Variants in HTR3B observed in about 807,000 individuals in gnomAD.
HTR3B encodes the protein 5-hydroxytryptamine (serotonin) receptor 3B, ionotropic.
A neutral mutation model predicts 42.8 loss-of-function variants in HTR3B; 44 were observed. That is an observed-to-expected ratio of 1.03 (90% confidence interval 0.81 to 1.32). HTR3B has a LOEUF of 1.32. Among genes scored for constraint, HTR3B ranks in the 40% most tolerant of loss-of-function variants. HTR3B has a pLI of 0.00. For synonymous variants in HTR3B, 203 were observed against 209.0 expected (o/e 0.97, Z 0.25); for missense variants, 527 against 536.5 (o/e 0.98, Z 0.17).
At chr11:113,899,870 T>C (rs1949686312), upstream of HTR3B, among the ~76,000 whole-genome samples, 1 of 152,220 alleles carries the variant, frequency 6.6e-6, no homozygotes, top group South Asian at 2.1e-4. Flanking sequence ...TATTTTCAGG[T>C]ACTTTCTTAA....
intron 2 of HTR3B, among the ~76,000 whole-genome samples, chr11:113,929,750 A>G (rs1039307083): frequency 6.6e-6 from 1 of 151,928 alleles, no homozygotes; most frequent in Non-Finnish European, 1.5e-5. Flanking sequence ...TTTATTTTTT[A>G]GAGACGGAGT....
chr11:113,931,507 G>T (rs1354677444), intron 3 of HTR3B, 79 bp downstream of exon 3: 2 of 895,230 alleles, frequency 2.2e-6, no homozygotes, highest in Non-Finnish European at 1.8e-6. Context: ...TTAAGAAATA[G>T]GTATTATCTT....
In HTR3B at chr11:113,946,043, G is replaced by A. The variant is rs200815025; in HGVS notation, c.1232G>A (p.Arg411His). The change falls in exon 9 of 9, where the codon CGC becomes CAC. Residue 411 changes from arginine to histidine, a missense_variant. By Grantham distance (29) the Arg-to-His change is conservative. Coordinates refer to ENST00000260191, the MANE Select transcript of HTR3B (RefSeq NM_006028.5). ...GCAGAGTGGCTGGTCCTCCTGTCCC[G>A]CTTTGACCGACTGCTCTTCCAAAGC... ...QEAEWLVLLS[R>H]FDRLLFQSYL... 4.5e-5 allele frequency: 73 copies of A among 1,613,954 alleles called. No homozygotes were observed. The Admixed American group carries it at 4.8e-4, about 11-fold the overall frequency.
chr11:113,934,472 A>G (rs1037623375), intron 6 of HTR3B, among the ~76,000 whole-genome samples: 1 of 152,014 alleles, frequency 6.6e-6, no homozygotes, highest in Non-Finnish European at 1.5e-5. Context: ...AAAGAAAGAA[A>G]AAAGAAAGAA....
intron 2 of HTR3B, among the ~76,000 whole-genome samples, chr11:113,928,846 C>G (rs1950002863): frequency 6.6e-6 from 1 of 152,146 alleles, no homozygotes; most frequent in Non-Finnish European, 1.5e-5. Flanking sequence ...TGTAGAATTT[C>G]CTTCCTTTCT....
intron 6 of HTR3B, among the ~76,000 whole-genome samples, chr11:113,942,230 C>T (rs1341767494): frequency 3.9e-5 from 6 of 152,058 alleles, no homozygotes; most frequent in Admixed American, 6.5e-5. Context: ...GAGCCGAGGT[C>T]GCACCACTGC....
At chr11:113,907,474 A>G (rs1949742463) in intron 1 of HTR3B, among the ~76,000 whole-genome samples, 1 of 152,102 alleles carries the variant, frequency 6.6e-6, no homozygotes, top group African/African-American at 2.4e-5. Flanking sequence ...TCCCATCTTA[A>G]ACAAAGAACT....
intron 5 of HTR3B, 66 bp downstream of exon 5, chr11:113,932,524 C>T: frequency 2.4e-6 from 3 of 1,245,370 alleles, no homozygotes; most frequent in South Asian, 1.3e-5. Flanking sequence ...ATTATACTAT[C>T]CTTCAGGTCT....
At chr11:113,920,813 T>C (rs1949904595) in intron 2 of HTR3B, among the ~76,000 whole-genome samples, 1 of 152,178 alleles carries the variant, frequency 6.6e-6, no homozygotes, top group Non-Finnish European at 1.5e-5. Context: ...TTCAAGTTTT[T>C]TATTTTTATT....
In HTR3B at chr11:113,908,862, G is replaced by C. The variant is rs1366233412; in HGVS notation, c.53-433G>C. 3 of 185,218 alleles carry C rather than the reference G, an allele frequency of 1.6e-5. No individual in the cohort carries two copies. In the East Asian group the frequency reaches 4.1e-4, roughly 25 times the overall value. The allele number at this position is 185,218 out of a possible 1,614,324, so 11.5% of individuals were successfully genotyped here. ...TGGGTTTCTTCATGTTTTTTTGCTT[G>C]ATTTTTCTATTGAATTTTTGAATTA... On this transcript the variant is annotated intron_variant, in intron 1 of 8. Coordinates refer to ENST00000260191, the MANE Select transcript of HTR3B (RefSeq NM_006028.5).
chr11:113,921,835 A>G (rs1188898618), intron 2 of HTR3B, among the ~76,000 whole-genome samples: 2 of 152,188 alleles, frequency 1.3e-5, no homozygotes, highest in Admixed American at 6.6e-5. Flanking sequence ...AAGATGTGGG[A>G]TTTCCCTACC....
In HTR3B at chr11:113,944,569, T is replaced by G. The variant is rs1950161463; in HGVS notation, c.908-4T>G. 10 of 1,613,060 alleles carry G rather than the reference T, an allele frequency of 6.2e-6. No homozygotes were observed. Among genetic ancestry groups the G allele is most frequent in the Non-Finnish European group, 8.5e-6 (10 of 1,179,258 alleles). ...CTAACTGCACCTCTTCTGGCTTCTC[T>G]CAGGGCACTTCTTCACCATCTGCAT... On this transcript the variant is annotated splice_polypyrimidine_tract_variant and splice_region_variant and intron_variant, in intron 7 of 8. Coordinates refer to ENST00000260191, the MANE Select transcript of HTR3B (RefSeq NM_006028.5).
At chr11:113,931,454 T>C in intron 3 of HTR3B, 26 bp downstream of exon 3, 1 of 1,380,930 alleles carries the variant, frequency 7.2e-7, no homozygotes, top group Non-Finnish European at 1.0e-6. Flanking sequence ...TTCTTCTAAA[T>C]ATATTGCACT....
intron 2 of HTR3B, among the ~76,000 whole-genome samples, chr11:113,925,672 T>G (rs1329241863): frequency 6.6e-6 from 1 of 152,120 alleles, no homozygotes; most frequent in East Asian, 1.9e-4. Flanking sequence ...TTCTTCATCT[T>G]GTGTTTTTTA....
rs1950187982 is a variant in HTR3B, at chr11:113,947,305, T to C, written c.*1168T>C. On this transcript the variant is annotated 3_prime_UTR_variant, in exon 9 of 9. Coordinates refer to ENST00000260191, the MANE Select transcript of HTR3B (RefSeq NM_006028.5). ...TTTTAGTAGCAGGTGCCAAGGCTTC[T>C]AAGCCCAGTCTAGCACATCATTTAG... Among the ~76,000 whole-genome samples the C allele has an allele frequency of 6.6e-6, 1 of 152,122 alleles. No individual in the cohort carries two copies. Among genetic ancestry groups the C allele is most frequent in the South Asian group, 2.1e-4 (1 of 4,772 alleles).
At chr11:113,931,454 T>G (rs769651982) in intron 3 of HTR3B, 26 bp downstream of exon 3, 1 of 1,380,930 alleles carries the variant, frequency 7.2e-7, no homozygotes, top group African/African-American at 1.4e-5. Context: ...TTCTTCTAAA[T>G]ATATTGCACT....
intron 6 of HTR3B, among the ~76,000 whole-genome samples, chr11:113,933,355 G>C (rs1266232428): frequency 2.0e-5 from 3 of 152,108 alleles, no homozygotes; most frequent in Non-Finnish European, 4.4e-5. Flanking sequence ...ATGCCCTGCA[G>C]CAGGAATCCT....
At chr11:113,941,511 C>A (rs1051648247) in intron 6 of HTR3B, among the ~76,000 whole-genome samples, 2 of 152,200 alleles carry the variant, frequency 1.3e-5, no homozygotes, top group Non-Finnish European at 2.9e-5. Context: ...ACAAGAGCAG[C>A]TCTGTGTGGC....
Position 113,942,985 on chromosome 11 carries a change from G to A in HTR3B, c.700G>A (p.Val234Met), listed in dbSNP as rs1471620434. Residue 234 changes from valine to methionine, a missense_variant, in exon 7 of 9, where the codon GTG becomes ATG. Transcript: ENST00000260191. ...CAGACCACTTGTTCCCGGCCAGGTG[G>A]TGATGCGCAGGCACCCCCTGGTCTA... ...GGFAQIQFNVVMRRHPLVYVV... is the reference protein window; with the variant it reads ...GGFAQIQFNVMMRRHPLVYVV... The A allele has an allele frequency of 1.2e-6, 2 of 1,613,874 alleles. No individual in the cohort carries two copies. Among genetic ancestry groups the A allele is most frequent in the Admixed American group, 3.3e-5 (2 of 59,986 alleles).
Sources: gnomAD v4.1 joint callset for allele counts (sites outside exome capture counted in the v4.1 genomes callset) on GRCh38, gnomAD v4.1.1 for gene constraint, MANE v1.5 for transcripts, NCBI Gene and HGNC (gene_info 2026-07-23, HGNC 2026-07-21) for gene names.